SELENOM: variants seen among roughly 807,000 people sequenced by gnomAD.
The protein encoded by SELENOM is selenoprotein M.
SELENOM carries 17 observed loss-of-function variants against 14.5 expected under a neutral mutation model. That is an observed-to-expected ratio of 1.17 (90% CI 0.80 to 1.76). The LOEUF (loss-of-function observed/expected upper bound fraction) is 1.76. Among genes scored for constraint, SELENOM ranks in the 40% most tolerant of loss-of-function variants. The pLI is 0.00. For missense variants in SELENOM, 230 were observed against 204.6 expected, an observed-to-expected ratio of 1.12 and a Z score of -0.76; for synonymous variants, 102 against 93.3, an observed-to-expected ratio of 1.09 and a Z score of -0.54.
rs369590180 is a variant in SELENOM, at chr22:31,107,369, G to A, written c.129+8C>T. On this transcript the variant is annotated splice_region_variant and intron_variant, in intron 1 of 4. Coordinates refer to ENST00000400299, the MANE Select transcript of SELENOM (RefSeq NM_080430.4). Reference sequence around the variant, plus strand: ...GATAGTGCCGGGGCTGGAGGCCGGCGTACTCACCTCTACCCGGGCGCGGGT... The same window carrying A: ...GATAGTGCCGGGGCTGGAGGCCGGCATACTCACCTCTACCCGGGCGCGGGT... The A allele has an allele frequency of 1.3e-6, 2 of 1,591,998 alleles. No homozygotes were observed. The highest frequency in any genetic ancestry group is 8.5e-7 in the Non-Finnish European group (1 of 1,171,048).
chr22:31,105,374 T>G, intron 3 of SELENOM, 88 bp from the exon 4 acceptor site: 1 of 1,323,562 alleles, frequency 7.6e-7, no homozygotes, highest in Non-Finnish European at 1.1e-6. Context: ...TTGCCTCCTT[T>G]GCTCAGAGCT....
At chr22:31,105,898 A>G in intron 2 of SELENOM, 32 bp downstream of exon 2, 1 of 1,608,782 alleles carries the variant, frequency 6.2e-7, no homozygotes, top group Non-Finnish European at 8.5e-7. Flanking sequence ...CTCAGGGGGA[A>G]CAGAGCTAGG....
In SELENOM at chr22:31,105,101, C is replaced by T. The variant is rs1351095979; in HGVS notation, c.307G>A (p.Glu103Lys). The T allele has an allele frequency of 3.7e-6, 6 of 1,613,416 alleles. No homozygotes were observed. The highest frequency in any genetic ancestry group is 2.7e-5 in the African/African-American group (2 of 75,046). The change falls in exon 5 of 5, where the codon GAA becomes AAA. Residue 103 changes from glutamate to lysine, a missense_variant. Transcript: ENST00000400299. Reference sequence around the variant, plus strand: ...TCCTGCACTAGCGCATTGATCTCTTCGCGGGTCATTTCACTGAGTGGGATG... The same window carrying T: ...TCCTGCACTAGCGCATTGATCTCTTTGCGGGTCATTTCACTGAGTGGGATG... ...ERIPLSEMTREEINALVQELG... is the reference protein window; with the variant it reads ...ERIPLSEMTRKEINALVQELG...
At position 31,105,201 on chromosome 22, in the gene SELENOM, G is replaced by A; in HGVS notation, c.279+7C>T. The A allele has an allele frequency of 1.9e-6, 3 of 1,613,376 alleles. No homozygotes were observed. Among genetic ancestry groups the A allele is most frequent in the Non-Finnish European group, 2.5e-6 (3 of 1,179,700 alleles). Reference sequence around the variant, plus strand: ...CCTCGCCCCCAGCCCACCTCCCACGGCCTCACCTCTAGTTCCTCGTAGCGG... The same window carrying A: ...CCTCGCCCCCAGCCCACCTCCCACGACCTCACCTCTAGTTCCTCGTAGCGG... On this transcript the variant is annotated splice_region_variant and intron_variant, in intron 4 of 4. Transcript: ENST00000400299.
intron 1 of SELENOM, 25 bp downstream of exon 1, chr22:31,107,352 C>T (rs1204258327): frequency 1.9e-6 from 3 of 1,584,238 alleles, no homozygotes; most frequent in Admixed American, 1.8e-5. Flanking sequence ...ACGATAGTGC[C>T]GGGGCTGGAG....
At chr22:31,105,393 G>T in intron 3 of SELENOM, 107 bp from the exon 4 acceptor site, 1 of 1,192,842 alleles carries the variant, frequency 8.4e-7, no homozygotes, top group Non-Finnish European at 1.2e-6. Flanking sequence ...CTTACTCTGT[G>T]CCCGGGAGGG....
chr22:31,105,125 T>A lies in SELENOM; in HGVS notation c.283A>T (p.Ile95Phe), dbSNP rs1174479773. ...LGRRYEELER[I>F]PLSEMTREEI... ...TCGCGGGTCATTTCACTGAGTGGGA[T>A]GCGCTGAGGCGGAGGAGGGGCGGGG... Residue 95 changes from isoleucine to phenylalanine, a missense_variant, in exon 5 of 5, where the codon ATC becomes TTC. Coordinates refer to ENST00000400299, the MANE Select transcript of SELENOM (RefSeq NM_080430.4). 1 of 1,613,476 alleles carries A rather than the reference T, an allele frequency of 6.2e-7. No individual in the cohort carries two copies. The highest frequency in any genetic ancestry group is 8.5e-7 in the Non-Finnish European group (1 of 1,179,768).
intron 3 of SELENOM, 80 bp from the exon 4 acceptor site, chr22:31,105,366 G>T: frequency 7.3e-7 from 1 of 1,364,474 alleles, no homozygotes; most frequent in Non-Finnish European, 1.0e-6. Flanking sequence ...GAACAGCATT[G>T]CCTCCTTTGC....
chr22:31,105,391 G>GT, intron 3 of SELENOM, 105 bp from the exon 4 acceptor site: 7 of 1,215,172 alleles, frequency 5.8e-6, no homozygotes, highest in Non-Finnish European at 8.2e-6. Flanking sequence ...AGCTTACTCT[G>GT]TGCCCGGGAG....
At chr22:31,105,551 T>C in intron 3 of SELENOM, 107 bp downstream of exon 3, 1 of 1,182,932 alleles carries the variant, frequency 8.5e-7, no homozygotes, top group East Asian at 2.3e-5. Flanking sequence ...CCACTACCAA[T>C]CAATTCAACT....
chr22:31,106,535 C>G (rs2044407629), intron 1 of SELENOM: 1 of 164,510 alleles, frequency 6.1e-6, no homozygotes, highest in South Asian at 1.6e-4. Flanking sequence ...GAGGAGATGC[C>G]ACCATCCAGC....
At chr22:31,105,366 GCCT>G in intron 3 of SELENOM, 80 bp from the exon 4 acceptor site, 1 of 1,364,478 alleles carries the variant, frequency 7.3e-7, no homozygotes, top group Non-Finnish European at 1.0e-6. Context: ...GAACAGCATT[GCCT>G]CCTTTGCTCA....
rs1400135273 is a variant in SELENOM at position 31,105,276 on chromosome 22, C to G, written c.211G>C (p.Val71Leu). The G allele has an allele frequency of 1.2e-6, 2 of 1,611,628 alleles. No homozygotes were observed. The highest frequency in any genetic ancestry group is 2.7e-5 in the African/African-American group (2 of 74,884). ...TCGGCCCCAGGGAGGTGTTTCATCACCAGGTTGTGACTGGAGGTGGTGTTA... is the reference window on the plus strand; with the variant it reads ...TCGGCCCCAGGGAGGTGTTTCATCAGCAGGTTGTGACTGGAGGTGGTGTTA... Reference protein sequence around the residue: ...TQDIPFYHNLVMKHLPGADPE... With the variant: ...TQDIPFYHNLLMKHLPGADPE... Residue 71 changes from valine to leucine, a missense_variant, in exon 4 of 5, where the codon GTG becomes CTG. By Grantham distance (32) the Val-to-Leu change is conservative. Coordinates refer to ENST00000400299, the MANE Select transcript of SELENOM (RefSeq NM_080430.4).
At chr22:31,107,233 G>T in intron 1 of SELENOM, 144 bp downstream of exon 1, 6 of 1,078,628 alleles carry the variant, frequency 5.6e-6, no homozygotes, top group Admixed American at 2.9e-5. Flanking sequence ...TGGGGCTAGG[G>T]AACAGGAGGG....
At chr22:31,106,005 C>A (rs1420499303) in intron 1 of SELENOM, 40 bp from the exon 2 acceptor site, 1 of 1,590,298 alleles carries the variant, frequency 6.3e-7, no homozygotes, top group Admixed American at 1.7e-5. Flanking sequence ...GAGTCCTTCA[C>A]GTTTATTCCA....
chr22:31,107,320 C>G, intron 1 of SELENOM, 57 bp downstream of exon 1: 1 of 1,544,294 alleles, frequency 6.5e-7, no homozygotes, highest in Non-Finnish European at 8.7e-7. Flanking sequence ...ACGGTGCTCC[C>G]ATGGGGCCGC....
chr22:31,107,037 T>G, intron 1 of SELENOM: 7 of 204,848 alleles, frequency 3.4e-5, no homozygotes, highest in Non-Finnish European at 5.9e-5. Flanking sequence ...CAGGAAAACA[T>G]GAAGTGATGG....
chr22:31,105,091 T>A lies in SELENOM; in HGVS notation c.317A>T (p.Asn106Ile), dbSNP rs764421749. 1.9e-6 allele frequency: 3 copies of A among 1,613,348 alleles called. No individual in the cohort carries two copies. In the South Asian group the frequency reaches 3.3e-5, roughly 18 times the overall value. The stretch of plus-strand genomic sequence containing the variant: ...GAAGCCGAGCTCCTGCACTAGCGCA[T>A]TGATCTCTTCGCGGGTCATTTCACT... Reference protein sequence around the residue: ...PLSEMTREEINALVQELGFYR... With the variant: ...PLSEMTREEIIALVQELGFYR... The change falls in exon 5 of 5, where the codon AAT becomes ATT. Residue 106 changes from asparagine to isoleucine, a missense_variant. Coordinates refer to ENST00000400299, the MANE Select transcript of SELENOM (RefSeq NM_080430.4).
chr22:31,105,147 G>A lies in SELENOM; in HGVS notation c.280-19C>T, dbSNP rs920126101. The stretch of plus-strand genomic sequence containing the variant: ...GGATGCGCTGAGGCGGAGGAGGGGC[G>A]GGGTCAGCAGGCTGGGCCTCGCCTC... On this transcript the variant is annotated intron_variant, in intron 4 of 4. Transcript: ENST00000400299. 20 of 1,613,226 alleles carry A rather than the reference G, an allele frequency of 1.2e-5. No individual in the cohort carries two copies. Among genetic ancestry groups the A allele is most frequent in the South Asian group, 5.5e-5 (5 of 91,080 alleles).
Sources: allele counts gnomAD v4.1 joint callset, GRCh38; gene constraint gnomAD v4.1.1; transcripts MANE v1.5; gene names NCBI Gene and HGNC (gene_info 2026-07-23, HGNC 2026-07-21).